The following TM9SF2 variants were observed in gnomAD, a reference collection of about 807,000 sequenced individuals.
TM9SF2 encodes 76 kDa membrane protein.
TM9SF2 carries 13 observed loss-of-function variants against 84.9 expected under a neutral mutation model. The ratio of observed to expected loss-of-function variants is 0.15; its 90% confidence interval spans 0.10 to 0.24. The LOEUF (loss-of-function observed/expected upper bound fraction) is 0.24, where lower values mean the gene tolerates loss of function less well. Ranked by LOEUF, TM9SF2 falls within the 10% of genes least tolerant of loss-of-function variation. The pLI, the probability that TM9SF2 is intolerant of heterozygous loss-of-function variation, is 1.00. For missense variants in TM9SF2, 562 were observed against 818.5 expected (o/e 0.69, Z 3.82); for synonymous variants, 273 against 285.8 (o/e 0.96, Z 0.45).
At chr13:99,537,017 T>TTA (rs1265066024) in intron 5 of TM9SF2, among the ~76,000 whole-genome samples, 1 of 152,194 alleles carries the variant, frequency 6.6e-6, no homozygotes, top group Admixed American at 6.5e-5. Flanking sequence ...CTCATAAATC[T>TTA]TATATATTAC....
rs148643616 is a variant in TM9SF2, at chr13:99,503,821, A to C, written c.171+2044A>C. On this transcript the variant is annotated intron_variant, in intron 1 of 16. Transcript: ENST00000376387. ...CCAGTTAGATGATTGTTTTCTCAAC[A>C]GGTCCTTTGGTAAGTGGCTAGGTTG... 2.6e-3 allele frequency among the ~76,000 whole-genome samples: 391 copies of C among 152,260 alleles called. 1 individual carries two copies. The highest frequency in any genetic ancestry group is 8.8e-3 in the African/African-American group (365 of 41,546).
intron 2 of TM9SF2, among the ~76,000 whole-genome samples, chr13:99,517,923 C>T (rs573579967): frequency 1.1e-4 from 17 of 152,120 alleles, no homozygotes; most frequent in Non-Finnish European, 2.2e-4. Flanking sequence ...ATTTTGTTTT[C>T]TTAACATTTT....
At position 99,520,038 on chromosome 13, in the gene TM9SF2, T is replaced by A. The variant is rs376468098; in HGVS notation, c.242T>A (p.Phe81Tyr). 13 of 1,612,250 alleles carry A rather than the reference T, an allele frequency of 8.1e-6. No homozygotes were observed. In the East Asian group the frequency reaches 2.9e-4, roughly 36 times the overall value. Reference protein sequence around the residue: ...ESVLPYEYTAFDFCQASEGKR... With the variant: ...ESVLPYEYTAYDFCQASEGKR... ...AAATTTAAATATTCTTCTCCCAGGT[T>A]TGATTTTTGCCAAGCATCAGAAGGA... is the stretch of plus-strand genomic sequence containing the variant. Residue 81 changes from phenylalanine to tyrosine, a missense_variant and splice_region_variant, in exon 3 of 17, where the codon TTT (phenylalanine) becomes TAT (tyrosine). By Grantham distance (22) the Phe-to-Tyr change is conservative (BLOSUM62 3). This residue lies in a region of TM9SF2 where 267 missense variants were observed against 316.7 expected (regional missense o/e 0.84). Coordinates refer to ENST00000376387, the MANE Select transcript of TM9SF2 (RefSeq NM_004800.3).
chr13:99,516,552 G>A (rs946342038), intron 1 of TM9SF2, among the ~76,000 whole-genome samples: 5 of 152,194 alleles, frequency 3.3e-5, no homozygotes, highest in Non-Finnish European at 7.3e-5. Context: ...TTTTGAGAGG[G>A]TGGGTCAGTG....
intron 3 of TM9SF2, among the ~76,000 whole-genome samples, chr13:99,520,780 G>A (rs1175318452): frequency 1.3e-5 from 2 of 152,192 alleles, no homozygotes; most frequent in African/African-American, 2.4e-5. Context: ...ATATTGGTCA[G>A]GCTGGTCTCA....
At position 99,552,099 on chromosome 13, in the gene TM9SF2, A is replaced by G. The variant is rs926992886; in HGVS notation, c.1329-68A>G. ...ATATTAGAAACATAGAAGTTGTCATATTAATTACATACTACTGTTGCATTT... is the reference window on the plus strand; with the variant it reads ...ATATTAGAAACATAGAAGTTGTCATGTTAATTACATACTACTGTTGCATTT... On this transcript the variant is annotated intron_variant, in intron 12 of 16. Coordinates refer to ENST00000376387, the MANE Select transcript of TM9SF2 (RefSeq NM_004800.3). 7.1e-6 allele frequency: 10 copies of G among 1,411,646 alleles called. No homozygotes were observed. The Admixed American group carries it at 1.4e-4, about 20-fold the overall frequency. 87.4% of individuals were successfully genotyped at this position (1,411,646 alleles called of 1,614,324 possible).
In TM9SF2 at chr13:99,501,776, A is replaced by C. The variant is rs1307207271; in HGVS notation, c.170A>C (p.Lys57Thr). Residue 57 changes from lysine to threonine, a missense_variant and splice_region_variant, in exon 1 of 17, where the codon AAG becomes ACG. Physicochemically the swap from Lys to Thr is moderately conservative, Grantham distance 78. This residue lies in a region of TM9SF2 where 267 missense variants were observed against 316.7 expected (regional missense o/e 0.84). Coordinates refer to ENST00000376387, the MANE Select transcript of TM9SF2 (RefSeq NM_004800.3). ...GAAGAAAAAAAGAGCGACGAGTGCA[A>C]GGTGGGTGAGGCCTGACGAGCCCTC... is the stretch of plus-strand genomic sequence containing the variant. ...CDEEKKSDEC[K>T]AEIELFVNRL... 23 of 1,609,736 alleles carry C rather than the reference A, an allele frequency of 1.4e-5. No individual in the cohort carries two copies. Among genetic ancestry groups the C allele is most frequent in the Non-Finnish European group, 1.8e-5 (21 of 1,179,172 alleles).
chr13:99,536,304 T>G (rs1014676947), intron 4 of TM9SF2, among the ~76,000 whole-genome samples: 8 of 151,600 alleles, frequency 5.3e-5, no homozygotes, highest in Admixed American at 1.3e-4. Flanking sequence ...TTTTTGTTTT[T>G]TTTTTTTTCT....
At chr13:99,530,004 G>A (rs2046201216) in intron 4 of TM9SF2, among the ~76,000 whole-genome samples, 1 of 151,724 alleles carries the variant, frequency 6.6e-6, no homozygotes, top group Admixed American at 6.6e-5. Context: ...ACTACATATA[G>A]TCTATTAAGT....
In TM9SF2 at chr13:99,515,693, C is replaced by T. The variant is rs552129211; in HGVS notation, c.172-1921C>T. On this transcript the variant is annotated intron_variant, in intron 1 of 16. Coordinates refer to ENST00000376387, the MANE Select transcript of TM9SF2 (RefSeq NM_004800.3). ...GGCACTATTTGGAGTACTTTGTAAA[C>T]GTTAACTTATTTAATCTCCCTATCC... is the stretch of plus-strand genomic sequence containing the variant. Among the ~76,000 whole-genome samples, 7 of 150,892 alleles carry T rather than the reference C, an allele frequency of 4.6e-5. No homozygotes were observed. In the South Asian group the frequency reaches 8.4e-4, roughly 18 times the overall value.
intron 1 of TM9SF2, among the ~76,000 whole-genome samples, chr13:99,511,270 ACTTGT>A (rs1045900818): frequency 3.4e-4 from 52 of 151,970 alleles, no homozygotes; most frequent in African/African-American, 1.2e-3. Flanking sequence ...ATTTTTTCAT[ACTTGT>A]CTTATTTGTG....
At chr13:99,510,792 A>G (rs9517752) in intron 1 of TM9SF2, among the ~76,000 whole-genome samples, 4,929 of 152,268 alleles carry the variant, frequency 0.032, 113 homozygotes, top group Middle Eastern at 0.12. Flanking sequence ...ATTCAAACAC[A>G]TGCGTTGTGT....
Position 99,540,710 on chromosome 13 carries a change from C to G in TM9SF2, c.829-4C>G. On this transcript the variant is annotated splice_region_variant and splice_polypyrimidine_tract_variant and intron_variant, in intron 7 of 16. Coordinates refer to ENST00000376387, the MANE Select transcript of TM9SF2 (RefSeq NM_004800.3). ...ACTTAAAGAGATTTTTTAATCTCCT[C>G]TAGGAAGATGATAAGATCAGATGGG... is the stretch of plus-strand genomic sequence containing the variant. 6.2e-7 allele frequency: 1 copy of G among 1,612,770 alleles called. No individual in the cohort carries two copies. Among genetic ancestry groups the G allele is most frequent in the Non-Finnish European group, 8.5e-7 (1 of 1,179,318 alleles).
intron 16 of TM9SF2, among the ~76,000 whole-genome samples, chr13:99,561,428 C>G (rs1025137421): frequency 2.6e-5 from 4 of 152,194 alleles, no homozygotes; most frequent in Admixed American, 6.5e-5. Context: ...TGTTTGTCAT[C>G]TTGAAATTTA....
chr13:99,540,090 T>C (rs758776790), intron 7 of TM9SF2, among the ~76,000 whole-genome samples: 1 of 152,202 alleles, frequency 6.6e-6, no homozygotes, highest in East Asian at 1.9e-4. Flanking sequence ...GAGTTTCCGA[T>C]TGGGAGATTG....
intron 15 of TM9SF2, 121 bp from the exon 16 acceptor site, chr13:99,559,242 A>G (rs920415075): frequency 1.2e-6 from 1 of 833,834 alleles, no homozygotes; most frequent in African/African-American, 1.8e-5. Flanking sequence ...AGAGCCTGGA[A>G]CTGATAGCAG....
chr13:99,519,928 C>G (rs1594048297), intron 2 of TM9SF2, 108 bp from the exon 3 acceptor site: 1 of 856,580 alleles, frequency 1.2e-6, no homozygotes, highest in Non-Finnish European at 1.8e-6. Flanking sequence ...TACTCATCTA[C>G]TAGAGCTGCT....
chr13:99,506,149 A>C (rs1474933242), intron 1 of TM9SF2, among the ~76,000 whole-genome samples: 1 of 152,202 alleles, frequency 6.6e-6, no homozygotes, highest in Non-Finnish European at 1.5e-5. Context: ...TTCTGGGAGC[A>C]GTTGTGTATA....
intron 12 of TM9SF2, among the ~76,000 whole-genome samples, chr13:99,549,905 G>C (rs2046298633): frequency 6.6e-6 from 1 of 152,210 alleles, no homozygotes; most frequent in Non-Finnish European, 1.5e-5. Flanking sequence ...GATGGCAGCA[G>C]CATTTTAATA....
Sources: gnomAD v4.1 joint callset for allele counts (sites outside exome capture counted in the v4.1 genomes callset) on GRCh38, gnomAD v4.1.1 for gene constraint, gnomAD v4.1.1 regional missense constraint, MANE v1.5 for transcripts, NCBI Gene and HGNC (gene_info 2026-07-23, HGNC 2026-07-21) for gene names.